The following FER variants were observed in gnomAD, a reference collection of about 807,000 sequenced individuals.
The protein encoded by FER is tyrosine-protein kinase Fer.
In FER, 63 loss-of-function variants were observed where a neutral mutation model predicts 111.0. That is an observed-to-expected ratio of 0.57 (90% CI 0.46 to 0.70). The LOEUF (loss-of-function observed/expected upper bound fraction) is 0.70. Ranked by LOEUF, FER falls within the 30% of genes least tolerant of loss-of-function variation. The pLI is 0.00. For synonymous variants in FER, 327 were observed against 313.9 expected (o/e 1.04, Z -0.44); for missense variants, 914 against 954.0 (o/e 0.96, Z 0.55).
At chr5:109,058,720 CTTTCTTTTTT>C (rs1482278785) in intron 16 of FER, among the ~76,000 whole-genome samples, 1 of 88,034 alleles carries the variant, frequency 1.1e-5, no homozygotes, top group African/African-American at 5.0e-5. Context: ...TTCTTTCTTT[CTTTCTTTTTT>C]TTTTTTTTTT....
At chr5:108,928,764 G>A (rs867084109) in intron 10 of FER, among the ~76,000 whole-genome samples, 50 of 151,832 alleles carry the variant, frequency 3.3e-4, no homozygotes, top group African/African-American at 1.2e-3. Flanking sequence ...TATAAAGTCT[G>A]TATACATATA....
At chr5:108,999,476 T>C (rs1764433299) in intron 13 of FER, among the ~76,000 whole-genome samples, 1 of 152,166 alleles carries the variant, frequency 6.6e-6, no homozygotes, top group Admixed American at 6.5e-5. Context: ...TGCTTTTAAT[T>C]TTCACTGACA....
intron 13 of FER, among the ~76,000 whole-genome samples, chr5:108,971,143 T>C (rs1760599471): frequency 6.6e-6 from 1 of 151,988 alleles, no homozygotes; most frequent in Non-Finnish European, 1.5e-5. Context: ...AGTACTTGTG[T>C]AGCTAAAACC....
chr5:108,933,118 T>C (rs1222710277), intron 10 of FER, among the ~76,000 whole-genome samples: 6 of 152,240 alleles, frequency 3.9e-5, no homozygotes, highest in African/African-American at 9.6e-5. Context: ...TTTGTCAATT[T>C]TGGCTTTTGT....
intron 13 of FER, among the ~76,000 whole-genome samples, chr5:108,998,021 C>T (rs1462612008): frequency 1.3e-5 from 2 of 151,982 alleles, no homozygotes; most frequent in Non-Finnish European, 2.9e-5. Flanking sequence ...ACCTCAACTG[C>T]TGTGCTGGCA....
intron 18 of FER, among the ~76,000 whole-genome samples, chr5:109,183,457 C>T (rs1758515797): frequency 6.6e-6 from 1 of 152,284 alleles, no homozygotes; most frequent in Non-Finnish European, 1.5e-5. Context: ...CCATATTGGT[C>T]AGGCTGGTCT....
At chr5:108,800,269 C>T (rs1756493074) in intron 3 of FER, among the ~76,000 whole-genome samples, 1 of 152,112 alleles carries the variant, frequency 6.6e-6, no homozygotes, top group African/African-American at 2.4e-5. Context: ...TTTCTGTTTT[C>T]TTTGTTATTG....
chr5:108,878,160 G>C (rs184141152), intron 8 of FER, among the ~76,000 whole-genome samples: 2 of 152,062 alleles, frequency 1.3e-5, no homozygotes, highest in South Asian at 4.2e-4. Context: ...ACCCGCCGCA[G>C]CCTCCCAAAG....
chr5:108,901,805 G>T lies in FER; in HGVS notation c.1236+3957G>T, dbSNP rs1353347755. ...TGTCTCTACAAATATATAAAAATTA[G>T]TCGGGTGTGGTGGCACATGCCTGTA... On this transcript the variant is annotated intron_variant, in intron 10 of 19. Coordinates refer to ENST00000281092, the MANE Select transcript of FER (RefSeq NM_005246.4). Among the ~76,000 whole-genome samples the T allele has an allele frequency of 4.6e-5, 7 of 152,082 alleles. No individual in the cohort carries two copies. In the South Asian group the frequency reaches 1.2e-3, roughly 27 times the overall value.
intron 13 of FER, among the ~76,000 whole-genome samples, chr5:109,009,025 T>C (rs1383806923): frequency 2.0e-5 from 3 of 149,858 alleles, no homozygotes; most frequent in Non-Finnish European, 3.0e-5. Flanking sequence ...ATTTCACTAG[T>C]CTAGTCTTCC....
chr5:108,958,983 A>T (rs1343624508), intron 12 of FER, among the ~76,000 whole-genome samples: 4 of 151,860 alleles, frequency 2.6e-5, no homozygotes, highest in African/African-American at 9.7e-5. Context: ...ATTAGATTTA[A>T]ACATTGTGAA....
At chr5:108,933,348 G>A (rs138528746) in intron 10 of FER, among the ~76,000 whole-genome samples, 4,606 of 152,234 alleles carry the variant, frequency 0.03, 113 homozygotes, top group South Asian at 0.075. Flanking sequence ...TATTAAATAG[G>A]GAATCCTTTC....
chr5:108,882,308 T>C (rs918204743), intron 8 of FER, among the ~76,000 whole-genome samples: 2 of 152,104 alleles, frequency 1.3e-5, no homozygotes, highest in African/African-American at 2.4e-5. Flanking sequence ...ATAATATTGC[T>C]ATTACTGGAT....
In FER at chr5:108,963,391, G is replaced by A. The variant is rs1203714433; in HGVS notation, c.1656+4044G>A. On this transcript the variant is annotated intron_variant, in intron 13 of 19. Transcript: ENST00000281092. ...CAGCCTGACTAACAAGTGAAACCCC[G>A]TCTCTACTAAAAATACAAAAATTAG... 3.3e-5 allele frequency among the ~76,000 whole-genome samples: 5 copies of A among 151,962 alleles called. No individual in the cohort carries two copies. The South Asian group carries it at 1.0e-3, about 32-fold the overall frequency.
chr5:109,063,724 AAAG>A (rs1774737565), intron 16 of FER, among the ~76,000 whole-genome samples: 1 of 152,238 alleles, frequency 6.6e-6, no homozygotes, highest in Non-Finnish European at 1.5e-5. Context: ...ACGGATTACT[AAAG>A]AAAACCCAAT....
rs192189003 is a variant in FER at position 108,969,794 on chromosome 5, G to C, written c.1656+10447G>C. Among the ~76,000 whole-genome samples, 333 of 148,022 alleles carry C rather than the reference G, an allele frequency of 2.2e-3. 6 individuals are homozygous for C. Among genetic ancestry groups the C allele is most frequent in the Admixed American group, 5.1e-3 (78 of 15,206 alleles). ...AGTAGGAAAAGCAGTTTATAAAATA[G>C]CATTATGGTATTTATCTGATTTTTA... On this transcript the variant is annotated intron_variant, in intron 13 of 19. Transcript: ENST00000281092.
chr5:108,900,314 A>C (rs534047862), intron 10 of FER, among the ~76,000 whole-genome samples: 2 of 152,290 alleles, frequency 1.3e-5, no homozygotes, highest in South Asian at 4.1e-4. Flanking sequence ...TCTTTGTGTA[A>C]TTCAGTTTTT....
chr5:108,755,396 C>T (rs1171435883), intron 1 of FER, among the ~76,000 whole-genome samples: 1 of 152,124 alleles, frequency 6.6e-6, no homozygotes, highest in Non-Finnish European at 1.5e-5. Flanking sequence ...GAGACTTTCC[C>T]AAGCTTCCGT....
intron 13 of FER, among the ~76,000 whole-genome samples, chr5:108,972,410 G>A (rs984895469): frequency 6.6e-6 from 1 of 152,026 alleles, no homozygotes; most frequent in Non-Finnish European, 1.5e-5. Flanking sequence ...AGAACATCTC[G>A]CATGATGATA....
Sources: allele counts gnomAD v4.1 joint callset (sites outside exome capture counted in the v4.1 genomes callset), GRCh38; gene constraint gnomAD v4.1.1; transcripts MANE v1.5; gene names NCBI Gene and HGNC (gene_info 2026-07-23, HGNC 2026-07-21).